GSE1: variants seen among roughly 807,000 people sequenced by gnomAD.
The protein encoded by GSE1 is genetic suppressor element 1.
A neutral mutation model predicts 112.6 loss-of-function variants in GSE1; 32 were observed. The ratio of observed to expected loss-of-function variants is 0.28; its 90% confidence interval spans 0.21 to 0.38. The LOEUF is 0.38. Among genes scored for constraint, GSE1 ranks in the 10% least tolerant of loss-of-function variants. GSE1 has a pLI of 1.00. For synonymous variants in GSE1, 1,115 were observed against 735.6 expected (o/e 1.52, Z -8.35); for missense variants, 2,348 against 1,699.2 (o/e 1.38, Z -6.71).
At chr16:85,330,936 C>CTGT (rs1264068234) in intron 1 of GSE1, among the ~76,000 whole-genome samples, 1 of 152,030 alleles carries the variant, frequency 6.6e-6, no homozygotes, top group African/African-American at 2.4e-5. Context: ...CACGTGGGAG[C>CTGT]TGTTAATGGC....
intron 1 of GSE1, among the ~76,000 whole-genome samples, chr16:85,188,806 T>TAA (rs11334141): frequency 2.2e-5 from 3 of 138,738 alleles, no homozygotes; most frequent in African/African-American, 7.9e-5. Context: ...ATCTCTATCT[T>TAA]AAAAAAAAAA....
At chr16:85,649,781 G>T (rs1044798064) in intron 3 of GSE1, among the ~76,000 whole-genome samples, 1 of 152,200 alleles carries the variant, frequency 6.6e-6, no homozygotes, top group Non-Finnish European at 1.5e-5. Flanking sequence ...AGAAGGTGGG[G>T]AGGAGGGGAG....
intron 2 of GSE1, among the ~76,000 whole-genome samples, chr16:85,491,419 G>A (rs1376751574): frequency 6.6e-6 from 1 of 152,156 alleles, no homozygotes; most frequent in Admixed American, 6.5e-5. Flanking sequence ...AGGGTATTCT[G>A]GGGGGCTGGG....
At chr16:85,625,138 G>A (rs1053356544) in intron 1 of GSE1, among the ~76,000 whole-genome samples, 1 of 152,110 alleles carries the variant, frequency 6.6e-6, no homozygotes, top group Non-Finnish European at 1.5e-5. Context: ...TTAGGAGGCC[G>A]CCTCCCTGCC....
intron 1 of GSE1, among the ~76,000 whole-genome samples, chr16:85,295,896 C>T (rs2045353020): frequency 6.6e-6 from 1 of 152,068 alleles, no homozygotes; most frequent in Admixed American, 6.6e-5. Context: ...TGAGCCACCG[C>T]ACCCAGCCTA....
chr16:85,459,122 C>T (rs997969356), intron 2 of GSE1, among the ~76,000 whole-genome samples: 6 of 152,318 alleles, frequency 3.9e-5, no homozygotes, highest in East Asian at 3.9e-4. Flanking sequence ...TGGCCTCTGA[C>T]GCCGCCTGTG....
Position 85,344,825 on chromosome 16 carries a change from G to A in GSE1, c.2284-12638G>A, listed in dbSNP as rs79300579. Among the ~76,000 whole-genome samples, 797 of 152,326 alleles carry A rather than the reference G, an allele frequency of 5.2e-3. 8 individuals carry two copies. The highest frequency in any genetic ancestry group is 0.018 in the African/African-American group (751 of 41,572). On this transcript the variant is annotated intron_variant, in intron 1 of 2. Transcript: ENST00000637419. ...CCCAGGCTGGAGAGAGAAGGGAGGG[G>A]AGGAGCCGGTGGTGTAGACAAGCTG...
chr16:85,284,613 G>C (rs935964377), intron 1 of GSE1, among the ~76,000 whole-genome samples: 1 of 152,234 alleles, frequency 6.6e-6, no homozygotes, highest in Non-Finnish European at 1.5e-5. Context: ...AGCCAGCGAG[G>C]GGGTGGTGAG....
Position 85,260,607 on chromosome 16 carries a change from G to A in GSE1, c.2283+88800G>A, listed in dbSNP as rs553124500. 9.2e-5 allele frequency among the ~76,000 whole-genome samples: 14 copies of A among 152,306 alleles called. No homozygotes were observed. In the East Asian group the frequency reaches 2.5e-3, roughly 27 times the overall value. On this transcript the variant is annotated intron_variant, in intron 1 of 2. Coordinates refer to the GSE1 transcript ENST00000637419. ...CAAAGTGCTGGGATTATAGGCATGA[G>A]CCACCGCACCCAGCCAGGTCAAACA...
chr16:85,330,331 G>C (rs1280669609), intron 1 of GSE1, among the ~76,000 whole-genome samples: 2 of 152,220 alleles, frequency 1.3e-5, no homozygotes, highest in African/African-American at 2.4e-5. Flanking sequence ...TGTGGGGTGG[G>C]GGCCACCAGC....
At chr16:85,665,266 G>T in intron 12 of GSE1, 138 bp downstream of exon 12, 1 of 614,406 alleles carries the variant, frequency 1.6e-6, no homozygotes, top group East Asian at 2.8e-5. Flanking sequence ...TTGTACCAGC[G>T]TACGATTCTT....
chr16:85,338,520 G>A (rs187171864), intron 1 of GSE1, among the ~76,000 whole-genome samples: 274 of 152,360 alleles, frequency 1.8e-3, no homozygotes, highest in African/African-American at 6.4e-3. Context: ...CATGTTTGGA[G>A]GATCAGGCAA....
At chr16:85,542,439 G>T (rs1380156060) in intron 2 of GSE1, among the ~76,000 whole-genome samples, 1 of 152,218 alleles carries the variant, frequency 6.6e-6, no homozygotes, top group African/African-American at 2.4e-5. Context: ...AACCGTGCTG[G>T]GACCCAGCAT....
chr16:85,564,257 A>C (rs890085643), intron 1 of GSE1, among the ~76,000 whole-genome samples: 3 of 152,132 alleles, frequency 2.0e-5, no homozygotes, highest in Non-Finnish European at 4.4e-5. Flanking sequence ...GCTGGGAGGA[A>C]GGAGGCTAAC....
At chr16:85,652,202 G>C (rs987111700) in intron 3 of GSE1, among the ~76,000 whole-genome samples, 8 of 152,208 alleles carry the variant, frequency 5.3e-5, no homozygotes, top group Admixed American at 2.0e-4. Flanking sequence ...CATCAACTCT[G>C]CTGTCCTCTG....
chr16:85,171,495 G>T, exon 1 of GSE1: 1 of 985,618 alleles, frequency 1.0e-6, no homozygotes, highest in Non-Finnish European at 1.2e-6. Context: ...TGCTGGCCCA[G>T]TGGCTGCAGC....
intron 2 of GSE1, among the ~76,000 whole-genome samples, chr16:85,540,593 T>G (rs1448556300): frequency 6.6e-6 from 1 of 152,234 alleles, no homozygotes; most frequent in Non-Finnish European, 1.5e-5. Context: ...CCTTTTGGCA[T>G]GGTGATCCCT....
chr16:85,402,287 A>G (rs1230604580), intron 2 of GSE1, among the ~76,000 whole-genome samples: 1 of 152,204 alleles, frequency 6.6e-6, no homozygotes, highest in African/African-American at 2.4e-5. Flanking sequence ...CCTGAACCCA[A>G]GACGCTGAGA....
intron 2 of GSE1, among the ~76,000 whole-genome samples, chr16:85,519,094 G>A (rs1015327641): frequency 4.6e-5 from 7 of 152,242 alleles, no homozygotes; most frequent in Non-Finnish European, 7.3e-5. Context: ...GAGTAATGAA[G>A]CCACTACCTC....
Sources: gnomAD v4.1 joint callset for allele counts (sites outside exome capture counted in the v4.1 genomes callset) on GRCh38, gnomAD v4.1.1 for gene constraint, MANE v1.5 for transcripts, NCBI Gene and HGNC (gene_info 2026-07-23, HGNC 2026-07-21) for gene names.